Variants in PTPRC observed in about 807,000 individuals in gnomAD.
The protein encoded by PTPRC is receptor-type tyrosine-protein phosphatase C.
PTPRC carries 44 observed loss-of-function variants against 155.9 expected under a neutral mutation model. The ratio of observed to expected loss-of-function variants is 0.28; its 90% CI spans 0.22 to 0.36. The LOEUF is 0.36. PTPRC is among the 10% of genes least tolerant of loss of function. PTPRC has a pLI of 1.00. For synonymous variants in PTPRC, 525 were observed against 533.1 expected (o/e 0.98, Z 0.21); for missense variants, 1,401 against 1,564.6 (o/e 0.90, Z 1.76).
At chr1:198,692,673 TA>T (rs994297125) in intron 3 of PTPRC, 23 of 945,368 alleles carry the variant, frequency 2.4e-5, no homozygotes, top group South Asian at 9.9e-5. Flanking sequence ...TTTAAGACTA[TA>T]AAAAAATGCA....
intron 4 of PTPRC, 91 bp downstream of exon 4, chr1:198,697,000 G>A: frequency 8.4e-7 from 1 of 1,190,638 alleles, no homozygotes. Context: ...TAAATTATTT[G>A]CACAGTTTCT....
At chr1:198,714,957 G>GT (rs376790451) in intron 12 of PTPRC, among the ~76,000 whole-genome samples, 9 of 152,132 alleles carry the variant, frequency 5.9e-5, no homozygotes, top group African/African-American at 1.9e-4. Context: ...GGTTTAGCAG[G>GT]TTTTTTTAAT....
intron 2 of PTPRC, among the ~76,000 whole-genome samples, chr1:198,643,989 A>G (rs1363681056): frequency 6.6e-6 from 1 of 151,938 alleles, no homozygotes; most frequent in East Asian, 1.9e-4. Context: ...GGTAAGGGGC[A>G]GAGATTTGTA....
chr1:198,708,455 A>G (rs965043615), intron 10 of PTPRC, among the ~76,000 whole-genome samples, 194 bp downstream of exon 10: 2 of 152,182 alleles, frequency 1.3e-5, no homozygotes, highest in African/African-American at 4.8e-5. Context: ...TACCTATACA[A>G]TTCAAACAAA....
chr1:198,706,659 G>T, intron 8 of PTPRC, 75 bp from the exon 9 acceptor site: 2 of 1,483,846 alleles, frequency 1.3e-6, no homozygotes, highest in South Asian at 2.4e-5. Context: ...TAGTTGATTT[G>T]ATATTTTGGC....
chr1:198,707,559 T>G (rs1453823641), intron 9 of PTPRC, among the ~76,000 whole-genome samples: 2 of 152,196 alleles, frequency 1.3e-5, no homozygotes, highest in Non-Finnish European at 2.9e-5. Context: ...GTCATATCAT[T>G]TAATAATTCA....
intron 2 of PTPRC, among the ~76,000 whole-genome samples, chr1:198,659,017 G>A (rs1663775755): frequency 6.6e-6 from 1 of 152,040 alleles, no homozygotes; most frequent in Non-Finnish European, 1.5e-5. Context: ...TTCCAGACAA[G>A]ATTTTTCAAA....
intron 23 of PTPRC, among the ~76,000 whole-genome samples, chr1:198,738,759 G>A (rs1558032606): frequency 6.6e-6 from 1 of 151,666 alleles, no homozygotes; most frequent in Non-Finnish European, 1.5e-5. Context: ...GTAAAATGTG[G>A]TAGTGAAGCC....
intron 2 of PTPRC, among the ~76,000 whole-genome samples, chr1:198,648,397 G>T (rs1663051755): frequency 6.6e-6 from 1 of 151,650 alleles, no homozygotes; most frequent in South Asian, 2.1e-4. Flanking sequence ...GTGAAGGCTG[G>T]GGTCTTAATC....
At chr1:198,646,462 G>A (rs1474198448) in intron 2 of PTPRC, among the ~76,000 whole-genome samples, 6 of 151,622 alleles carry the variant, frequency 4.0e-5, no homozygotes, top group Non-Finnish European at 8.8e-5. Context: ...TTTGGCTACC[G>A]CTAGTTTAGT....
intron 7 of PTPRC, among the ~76,000 whole-genome samples, chr1:198,704,234 T>A (rs1038073990): frequency 4.6e-5 from 7 of 152,218 alleles, no homozygotes; most frequent in Non-Finnish European, 1.0e-4. Context: ...AGTCTTAATA[T>A]TGTTAATTGT....
chr1:198,733,773 T>C (rs188695534), intron 20 of PTPRC, among the ~76,000 whole-genome samples: 2 of 151,882 alleles, frequency 1.3e-5, no homozygotes, highest in African/African-American at 4.8e-5. Context: ...AATCTAAGAA[T>C]GATTTGTTTA....
At chr1:198,735,594 T>G (rs1654600305) in intron 23 of PTPRC, among the ~76,000 whole-genome samples, 1 of 151,622 alleles carries the variant, frequency 6.6e-6, no homozygotes, top group African/African-American at 2.4e-5. Context: ...AGTTCCTACT[T>G]TTATGAAAAA....
At chr1:198,700,817 T>C (rs12124846) in intron 5 of PTPRC, among the ~76,000 whole-genome samples, 2,244 of 152,180 alleles carry the variant, frequency 0.015, 24 homozygotes, top group Non-Finnish European at 0.016. Context: ...GTAAATGCCG[T>C]CCATAACCAC....
At chr1:198,711,476 A>C (rs2102424219) in intron 11 of PTPRC, among the ~76,000 whole-genome samples, 1 of 152,268 alleles carries the variant, frequency 6.6e-6, no homozygotes, top group Admixed American at 6.5e-5. Flanking sequence ...AACAAACACA[A>C]AAATTAATTC....
In PTPRC at chr1:198,699,562, AGGTGTTTC is replaced by A. The variant is rs1372459238; in HGVS notation, c.299-1_305del. 6.2e-7 allele frequency: 1 copy of A among 1,614,150 alleles called. No individual in the cohort carries two copies. Among genetic ancestry groups the A allele is most frequent in the East Asian group, 2.2e-5 (1 of 44,874 alleles). ...TGTAATGATCTCACTTTCCTACCTT[AGGTGTTTC>A]ATCAGTACAGACGCCTCACCTTCCC... On this transcript the variant is annotated splice_acceptor_variant and coding_sequence_variant, in exon 5 of 33. Transcript: ENST00000442510. LOFTEE classifies it high-confidence loss of function.
chr1:198,638,856 C>A (rs146578781), upstream of PTPRC: 1,273 of 185,422 alleles, frequency 6.9e-3, 10 homozygotes, highest in Non-Finnish European at 1.0e-2. Context: ...TGTAAAGGAG[C>A]ATTATTTGGA....
chr1:198,685,742 CT>C (rs1665584763), intron 2 of PTPRC, among the ~76,000 whole-genome samples: 1 of 151,882 alleles, frequency 6.6e-6, no homozygotes, highest in Admixed American at 6.6e-5. Context: ...TCTTGATTTG[CT>C]TTTTTCCACT....
At chr1:198,653,542 T>G (rs1169155116) in intron 2 of PTPRC, among the ~76,000 whole-genome samples, 1 of 151,894 alleles carries the variant, frequency 6.6e-6, no homozygotes, top group Non-Finnish European at 1.5e-5. Context: ...TATTCTGTAA[T>G]TAATCTATTC....
Sources: allele counts gnomAD v4.1 joint callset (sites outside exome capture counted in the v4.1 genomes callset), GRCh38; gene constraint gnomAD v4.1.1; transcripts MANE v1.5; gene names NCBI Gene and HGNC (gene_info 2026-07-23, HGNC 2026-07-21).